The following DDC variants were observed in gnomAD, a reference collection of about 807,000 sequenced individuals.
DDC encodes dopa decarboxylase, also known as aromatic-L-amino-acid decarboxylase.
In DDC, 43 loss-of-function variants were observed where a neutral mutation model predicts 60.0. The observed-to-expected ratio is 0.72, with a 90% CI of 0.56 to 0.92. The LOEUF (loss-of-function observed/expected upper bound fraction) is 0.92. Ranked by LOEUF, DDC falls within the 40% of genes least tolerant of loss-of-function variation. The pLI is 0.00. For missense variants in DDC, 573 were observed against 620.2 expected (o/e 0.92, Z 0.81); for synonymous variants, 232 against 234.6 (o/e 0.99, Z 0.10).
intron 6 of DDC, among the ~76,000 whole-genome samples, chr7:50,526,560 A>C (rs1435480761): frequency 6.6e-6 from 1 of 152,244 alleles, no homozygotes; most frequent in Non-Finnish European, 1.5e-5. Context: ...AGAGAAAAGC[A>C]ATCATATAAT....
chr7:50,508,738 T>G lies in DDC; in HGVS notation c.715-4679A>C, dbSNP rs943053618. Among the ~76,000 whole-genome samples, 2 of 152,240 alleles carry G rather than the reference T, an allele frequency of 1.3e-5. 1 individual carries two copies. The highest frequency in any genetic ancestry group is 4.1e-4 in the South Asian group (2 of 4,832). ...CCCAGAAGGACGCATATAGTCATTA[T>G]GCACATGCCCAGTTATAACCACAAG... On this transcript the variant is annotated intron_variant, in intron 6 of 14. Coordinates refer to ENST00000444124, the MANE Select transcript of DDC (RefSeq NM_001082971.2).
chr7:50,539,729 C>A, intron 3 of DDC, 186 bp downstream of exon 3: 1 of 602,450 alleles, frequency 1.7e-6, no homozygotes, highest in Non-Finnish European at 3.0e-6. Flanking sequence ...TTTCTCTGTT[C>A]TCAATCGCTA....
chr7:50,461,075 AT>A (rs1325056350), intron 14 of DDC, among the ~76,000 whole-genome samples: 2 of 151,620 alleles, frequency 1.3e-5, no homozygotes, highest in Admixed American at 1.3e-4. Context: ...ATAAATAAAA[AT>A]TAAAAAAATA....
chr7:50,539,783 C>T, intron 3 of DDC, 132 bp downstream of exon 3: 1 of 709,012 alleles, frequency 1.4e-6, no homozygotes. Context: ...TTTCTCCTCC[C>T]TGCAACAGTA....
intron 10 of DDC, 95 bp from the exon 11 acceptor site, chr7:50,476,738 G>A (rs185666044): frequency 6.1e-4 from 736 of 1,210,510 alleles, no homozygotes; most frequent in Admixed American, 1.0e-3. Context: ...AATTTCTTGT[G>A]TCTTCTAAGC....
chr7:50,460,056 TG>T (rs1318436052), intron 14 of DDC, among the ~76,000 whole-genome samples: 47 of 81,852 alleles, frequency 5.7e-4, no homozygotes, highest in African/African-American at 1.4e-3. Context: ...GGGAAGGAGG[TG>T]GGGGGGGTCA....
chr7:50,481,652 T>A (rs1287738559), intron 9 of DDC, among the ~76,000 whole-genome samples: 1 of 152,202 alleles, frequency 6.6e-6, no homozygotes, highest in African/African-American at 2.4e-5. Context: ...AAGTTAAATA[T>A]TCCTGTCCCT....
chr7:50,492,338 C>A (rs558204792), intron 9 of DDC, among the ~76,000 whole-genome samples: 1 of 152,336 alleles, frequency 6.6e-6, no homozygotes, highest in South Asian at 2.1e-4. Context: ...AACATTCATG[C>A]CATTTTTATA....
intron 12 of DDC, among the ~76,000 whole-genome samples, chr7:50,468,761 T>C (rs1034433632): frequency 3.3e-5 from 5 of 151,970 alleles, no homozygotes; most frequent in Non-Finnish European, 7.4e-5. Flanking sequence ...ATATCATAAG[T>C]GTGCTTGTTC....
intron 6 of DDC, among the ~76,000 whole-genome samples, chr7:50,519,758 G>A (rs984367417): frequency 6.6e-6 from 1 of 152,056 alleles, no homozygotes; most frequent in African/African-American, 2.4e-5. Context: ...GAGCGGGGGT[G>A]AGGAATAAAA....
chr7:50,522,117 A>G (rs536996666), intron 6 of DDC, among the ~76,000 whole-genome samples: 1 of 152,272 alleles, frequency 6.6e-6, no homozygotes, highest in South Asian at 2.1e-4. Flanking sequence ...GATAAAAGTT[A>G]ATTGTTTTCT....
chr7:50,487,943 T>C (rs984548732), intron 9 of DDC, among the ~76,000 whole-genome samples: 7 of 152,184 alleles, frequency 4.6e-5, no homozygotes, highest in Admixed American at 2.0e-4. Flanking sequence ...TATCTTTGTG[T>C]AACTTTTGGT....
intron 13 of DDC, among the ~76,000 whole-genome samples, chr7:50,465,837 G>A (rs2042383439): frequency 6.6e-6 from 1 of 152,242 alleles, no homozygotes; most frequent in South Asian, 2.1e-4. Context: ...AAGGTTGGTT[G>A]ACTGGACACA....
chr7:50,544,013 C>CA lies in DDC; in HGVS notation c.72dup (p.Glu25Ter). ...ACGTCAGGGTAGACCTGGCGTCCCT[C>CA]AATGCCTTCCATGTAGTTGGCCATG... On this transcript the variant is annotated frameshift_variant, in exon 2 of 15. Coordinates refer to ENST00000444124, the MANE Select transcript of DDC (RefSeq NM_001082971.2). LOFTEE classifies it high-confidence loss of function. The CA allele has an allele frequency of 6.2e-7, 1 of 1,614,222 alleles. No homozygotes were observed. Among genetic ancestry groups the CA allele is most frequent in the Non-Finnish European group, 8.5e-7 (1 of 1,180,030 alleles).
chr7:50,472,777 C>T (rs1462011615), intron 11 of DDC, among the ~76,000 whole-genome samples: 2 of 152,184 alleles, frequency 1.3e-5, no homozygotes, highest in African/African-American at 4.8e-5. Flanking sequence ...CTGGGACTAA[C>T]ACTCTGTCCT....
At chr7:50,563,866 T>G (rs2045386634) in intron 1 of DDC, 1 of 152,230 alleles carries the variant, frequency 6.6e-6, no homozygotes, top group Non-Finnish European at 1.5e-5. Flanking sequence ...CCTCCCCAAA[T>G]GCTGGGATTA....
chr7:50,477,732 A>G (rs1431909631), intron 10 of DDC: 2 of 327,796 alleles, frequency 6.1e-6, no homozygotes, highest in African/African-American at 2.2e-5. Context: ...GCCCAAAGTC[A>G]TACAGCCTAT....
chr7:50,511,511 A>G (rs1417927530), intron 6 of DDC, among the ~76,000 whole-genome samples: 1 of 152,184 alleles, frequency 6.6e-6, no homozygotes, highest in South Asian at 2.1e-4. Flanking sequence ...GGCAGATCAC[A>G]AGGTCAGGAG....
At chr7:50,500,985 G>C (rs922143861) in intron 7 of DDC, among the ~76,000 whole-genome samples, 1 of 152,178 alleles carries the variant, frequency 6.6e-6, no homozygotes. Flanking sequence ...CATCTCATAT[G>C]TGATCCACTA....
Sources: gnomAD v4.1 joint callset for allele counts (sites outside exome capture counted in the v4.1 genomes callset) on GRCh38, gnomAD v4.1.1 for gene constraint, MANE v1.5 for transcripts, NCBI Gene and HGNC (gene_info 2026-07-23, HGNC 2026-07-21) for gene names.